ZC3H12B: variants seen among roughly 807,000 people sequenced by gnomAD.
ZC3H12B encodes the protein zinc finger CCCH-type containing 12B.
A neutral mutation model predicts 43.9 loss-of-function variants in ZC3H12B; 7 were observed. The observed-to-expected ratio is 0.16, with a 90% CI of 0.09 to 0.30. The LOEUF (loss-of-function observed/expected upper bound fraction) is 0.30, where lower values mean the gene tolerates loss of function less well. Among genes scored for constraint, ZC3H12B ranks in the 10% least tolerant of loss-of-function variants. ZC3H12B has a pLI of 1.00. For synonymous variants in ZC3H12B, 222 were observed against 241.7 expected, an observed-to-expected ratio of 0.92 and a Z score of 0.76; for missense variants, 475 against 670.2, an observed-to-expected ratio of 0.71 and a Z score of 3.22.
At chrX:65,342,543 C>A in the ZC3H12B span, among the ~76,000 whole-genome samples, 1 of 111,755 alleles carries the variant, frequency 8.9e-6, no homozygotes, top group Non-Finnish European at 1.9e-5. Flanking sequence ...AATTGAATAA[C>A]CTGCCCCTGA....
At chrX:65,251,914 G>A in the ZC3H12B span, among the ~76,000 whole-genome samples, 1 of 111,334 alleles carries the variant, frequency 9.0e-6, no homozygotes, top group Non-Finnish European at 1.9e-5. Flanking sequence ...TTTCCTAATT[G>A]AATACCCTTT....
chrX:65,369,959 G>A (rs1039354178), intron 2 of ZC3H12B, among the ~76,000 whole-genome samples: 1 of 111,233 alleles, frequency 9.0e-6, no homozygotes, highest in Non-Finnish European at 1.9e-5. Context: ...GCCAGGCTTG[G>A]TGGCTGTCTG....
intron 3 of ZC3H12B, among the ~76,000 whole-genome samples, chrX:65,429,504 G>T (rs944467931): frequency 8.9e-6 from 1 of 112,372 alleles, no homozygotes; most frequent in African/African-American, 3.2e-5. Context: ...ATAGATTGGG[G>T]TCCCACTTAA....
At chrX:65,260,964 A>G in the ZC3H12B span, among the ~76,000 whole-genome samples, 6 of 112,057 alleles carry the variant, frequency 5.4e-5, no homozygotes, top group Non-Finnish European at 1.1e-4. Flanking sequence ...ATGTAAAGCC[A>G]TAGCACAGTG....
chrX:65,202,104 A>ATATGTAATATATATATTATC, the ZC3H12B span, among the ~76,000 whole-genome samples: 1 of 68,693 alleles, frequency 1.5e-5, no homozygotes, highest in African/African-American at 2.3e-4. Flanking sequence ...TATATATTTT[A>ATATGTAATATATATATTATC]TATAATATAT....
the ZC3H12B span, among the ~76,000 whole-genome samples, chrX:65,155,962 C>T: frequency 4.5e-5 from 5 of 110,803 alleles, no homozygotes; most frequent in East Asian, 2.8e-4. Flanking sequence ...ACTATCTCTG[C>T]CTAATGTCTA....
At chrX:65,354,533 A>T in the ZC3H12B span, among the ~76,000 whole-genome samples, 1 of 112,023 alleles carries the variant, frequency 8.9e-6, no homozygotes, top group Non-Finnish European at 1.9e-5. Context: ...TGAAAATTCC[A>T]AAAAGCAGAA....
At chrX:65,175,649 G>A in the ZC3H12B span, among the ~76,000 whole-genome samples, 1 of 111,826 alleles carries the variant, frequency 8.9e-6, no homozygotes, top group African/African-American at 3.2e-5. Context: ...TGCAGAAGGT[G>A]GGTGATTTTT....
At chrX:65,218,152 A>G in the ZC3H12B span, among the ~76,000 whole-genome samples, 1 of 112,532 alleles carries the variant, frequency 8.9e-6, no homozygotes, top group African/African-American at 3.2e-5. Context: ...GATGTGATGT[A>G]TTCTAAGTAC....
intron 2 of ZC3H12B, among the ~76,000 whole-genome samples, chrX:65,374,659 G>A (rs764403653): frequency 1.0e-4 from 11 of 110,344 alleles, no homozygotes; most frequent in Non-Finnish European, 1.3e-4. Context: ...GTCCACTCTC[G>A]CACTGCTATA....
chrX:65,416,628 A>C (rs1602406083), intron 3 of ZC3H12B, among the ~76,000 whole-genome samples: 1 of 94,019 alleles, frequency 1.1e-5, no homozygotes, highest in Admixed American at 1.0e-4. Context: ...AAAAATACAA[A>C]AAAAAAAAAA....
chrX:65,405,826 C>T (rs1285732168), intron 3 of ZC3H12B, among the ~76,000 whole-genome samples: 2 of 111,582 alleles, frequency 1.8e-5, no homozygotes, highest in African/African-American at 6.5e-5. Context: ...ACAACTGATA[C>T]TGCAGAAATT....
At chrX:65,401,905 A>G (rs1294569086) in intron 3 of ZC3H12B, among the ~76,000 whole-genome samples, 3 of 111,992 alleles carry the variant, frequency 2.7e-5, no homozygotes, top group Non-Finnish European at 5.6e-5. Flanking sequence ...ATAACTGAAG[A>G]GGCCTTGAAC....
At chrX:65,502,812 C>T (rs2068386794) in exon 5 of ZC3H12B, 2 of 1,205,589 alleles carry the variant, frequency 1.7e-6, no homozygotes, top group Non-Finnish European at 2.2e-6. Flanking sequence ...GATAGCATTT[C>T]CGACTCCCGC....
the ZC3H12B span, among the ~76,000 whole-genome samples, chrX:65,053,624 G>A: frequency 9.0e-6 from 1 of 111,650 alleles, no homozygotes; most frequent in Non-Finnish European, 1.9e-5. Context: ...TATATACCCA[G>A]TAATGGGATG....
At chrX:65,114,027 TCA>T in the ZC3H12B span, among the ~76,000 whole-genome samples, 1 of 43,252 alleles carries the variant, frequency 2.3e-5, no homozygotes, top group Non-Finnish European at 6.1e-5. Context: ...ATATATATAT[TCA>T]TCTTTAGCCT....
intron 3 of ZC3H12B, among the ~76,000 whole-genome samples, chrX:65,451,472 G>C (rs1174508112): frequency 1.8e-5 from 2 of 110,525 alleles, no homozygotes; most frequent in Admixed American, 9.7e-5. Flanking sequence ...ATGTTTCTCT[G>C]TTTCTTCATG....
At chrX:65,313,074 G>T in the ZC3H12B span, among the ~76,000 whole-genome samples, 1 of 110,648 alleles carries the variant, frequency 9.0e-6, no homozygotes, top group Non-Finnish European at 1.9e-5. Flanking sequence ...TAGAGGTGGG[G>T]TTTCACCATG....
the ZC3H12B span, among the ~76,000 whole-genome samples, chrX:65,055,881 G>A: frequency 2.7e-5 from 3 of 111,983 alleles, no homozygotes; most frequent in African/African-American, 9.7e-5. Context: ...GCATAGAGGT[G>A]TTCATAGTAT....
Sources: allele counts gnomAD v4.1 joint callset (sites outside exome capture counted in the v4.1 genomes callset), GRCh38; gene constraint gnomAD v4.1.1; transcripts MANE v1.5; gene names NCBI Gene and HGNC (gene_info 2026-07-23, HGNC 2026-07-21).